The following SLC24A2 variants were observed in gnomAD, a reference collection of about 807,000 sequenced individuals.
SLC24A2 encodes the protein sodium/potassium/calcium exchanger 2.
Under a neutral mutation model 62.0 loss-of-function variants are expected in SLC24A2, and 36 were observed. That is an observed-to-expected ratio of 0.58 (90% CI 0.44 to 0.77). The LOEUF is 0.77. SLC24A2 is among the 30% of genes least tolerant of loss of function. The probability of loss-of-function intolerance (pLI) is 0.00; values close to 1 mark genes in which losing one functional copy is unlikely to be tolerated. For missense variants in SLC24A2, 846 were observed against 817.9 expected (o/e 1.03, Z -0.42); for synonymous variants, 358 against 294.0 (o/e 1.22, Z -2.23).
At chr9:19,619,755 A>C (rs1817864669) in intron 3 of SLC24A2, 63 bp from the exon 4 acceptor site, 1 of 1,245,762 alleles carries the variant, frequency 8.0e-7, no homozygotes, top group South Asian at 1.2e-5. Flanking sequence ...ATTATAGACA[A>C]GATCCTCACC....
At chr9:19,723,681 C>T (rs1440348019) in intron 2 of SLC24A2, among the ~76,000 whole-genome samples, 1 of 151,976 alleles carries the variant, frequency 6.6e-6, no homozygotes, top group East Asian at 1.9e-4. Flanking sequence ...CATTTACTGT[C>T]TTATTCATAG....
chr9:19,858,140 C>G, the SLC24A2 span, among the ~76,000 whole-genome samples: 3 of 152,138 alleles, frequency 2.0e-5, no homozygotes, highest in African/African-American at 7.2e-5. Context: ...CAGCATGTTA[C>G]TGGTACAAAA....
chr9:20,069,981 G>A, the SLC24A2 span, among the ~76,000 whole-genome samples: 1 of 152,050 alleles, frequency 6.6e-6, no homozygotes, highest in South Asian at 2.1e-4. Context: ...ACATTAACAT[G>A]ACCTTATTAT....
In SLC24A2 at chr9:19,757,892, T is replaced by C. The variant is rs184033650; in HGVS notation, c.930+28045A>G. Among the ~76,000 whole-genome samples the C allele has an allele frequency of 1.3e-3, 191 of 152,204 alleles. 1 individual carries two copies. The highest frequency in any genetic ancestry group is 4.4e-3 in the African/African-American group (181 of 41,538). ...CTCTTGAGAATAGATTAGTTCCCTC[T>C]AGAGTGGGTTGTTACAAAGCCAGAA... On this transcript the variant is annotated intron_variant, in intron 2 of 10. Coordinates refer to ENST00000341998, the MANE Select transcript of SLC24A2 (RefSeq NM_020344.4).
intron 8 of SLC24A2, among the ~76,000 whole-genome samples, chr9:19,541,629 T>A (rs1388808186): frequency 6.7e-6 from 1 of 148,196 alleles, no homozygotes; most frequent in Admixed American, 6.7e-5. Context: ...CAGGGACACT[T>A]AAGTCTGCAG....
intron 2 of SLC24A2, among the ~76,000 whole-genome samples, chr9:19,670,185 C>T (rs922901047): frequency 6.6e-6 from 1 of 152,164 alleles, no homozygotes; most frequent in African/African-American, 2.4e-5. Context: ...AGTCTTGAGA[C>T]CCCTTTTCAA....
At chr9:19,976,679 G>A in the SLC24A2 span, among the ~76,000 whole-genome samples, 1 of 152,150 alleles carries the variant, frequency 6.6e-6, no homozygotes. Flanking sequence ...AAGGATATAT[G>A]TACATTATAT....
At chr9:20,017,608 G>A in the SLC24A2 span, among the ~76,000 whole-genome samples, 3 of 152,148 alleles carry the variant, frequency 2.0e-5, no homozygotes, top group Non-Finnish European at 4.4e-5. Context: ...AAGGAAGCCA[G>A]TGCGAGCCCC....
chr9:19,794,044 T>TTGCAG, the SLC24A2 span, among the ~76,000 whole-genome samples: 1 of 152,218 alleles, frequency 6.6e-6, no homozygotes, highest in Non-Finnish European at 1.5e-5. Context: ...ATGAGAACCA[T>TTGCAG]AAAAGCAGAA....
At chr9:19,927,070 T>G in the SLC24A2 span, 1 of 152,264 alleles carries the variant, frequency 6.6e-6, no homozygotes, top group Non-Finnish European at 1.5e-5. Flanking sequence ...AGAGCTGCAT[T>G]TCCAGTCGGG....
rs140961140 is a variant in SLC24A2 at position 19,767,423 on chromosome 9, C to T, written c.930+18514G>A. Among the ~76,000 whole-genome samples, 109 of 152,318 alleles carry T rather than the reference C, an allele frequency of 7.2e-4. 1 individual carries two copies. Among genetic ancestry groups the T allele is most frequent in the African/African-American group, 2.5e-3 (104 of 41,560 alleles). On this transcript the variant is annotated intron_variant, in intron 2 of 10. Coordinates refer to ENST00000341998, the MANE Select transcript of SLC24A2 (RefSeq NM_020344.4). Reference sequence around the variant, plus strand: ...AATTTTGTGCTTGAAACCCAGGGCCCTTGTGGTATAGGCAACTGAGGGAAT... The same window carrying T: ...AATTTTGTGCTTGAAACCCAGGGCCTTTGTGGTATAGGCAACTGAGGGAAT...
chr9:19,643,982 AG>A (rs1196949295), intron 2 of SLC24A2, among the ~76,000 whole-genome samples: 1 of 152,274 alleles, frequency 6.6e-6, no homozygotes, highest in Non-Finnish European at 1.5e-5. Flanking sequence ...TATTTGTAAA[AG>A]TAAGTTGATG....
At chr9:19,762,102 T>G (rs941379460) in intron 2 of SLC24A2, among the ~76,000 whole-genome samples, 4 of 151,800 alleles carry the variant, frequency 2.6e-5, no homozygotes, top group Non-Finnish European at 4.4e-5. Context: ...CCACCAAGAG[T>G]GCAAAAGTGT....
chr9:20,024,246 T>C, the SLC24A2 span, among the ~76,000 whole-genome samples: 39 of 152,328 alleles, frequency 2.6e-4, no homozygotes, highest in East Asian at 7.1e-3. Context: ...TTGAAAATCT[T>C]GGGAATGTGC....
chr9:19,910,952 A>T, the SLC24A2 span, among the ~76,000 whole-genome samples: 5 of 149,052 alleles, frequency 3.4e-5, no homozygotes, highest in African/African-American at 9.9e-5. Context: ...GTTTTAGGGT[A>T]CATGTGCACA....
chr9:19,895,551 T>TTTC, the SLC24A2 span, among the ~76,000 whole-genome samples: 1 of 151,224 alleles, frequency 6.6e-6, no homozygotes, highest in African/African-American at 2.4e-5. Context: ...TCTTTCTTTT[T>TTTC]TTTTTTTTTT....
chr9:19,678,605 G>T (rs557167548), intron 2 of SLC24A2, among the ~76,000 whole-genome samples: 28 of 152,274 alleles, frequency 1.8e-4, no homozygotes, highest in African/African-American at 5.3e-4. Flanking sequence ...ATTTACCATA[G>T]CATGTTGAGA....
At chr9:19,704,425 G>C (rs1280984651) in intron 2 of SLC24A2, among the ~76,000 whole-genome samples, 1 of 152,134 alleles carries the variant, frequency 6.6e-6, no homozygotes, top group Admixed American at 6.6e-5. Flanking sequence ...GTGCAAGACA[G>C]ACAGATGGGA....
the SLC24A2 span, among the ~76,000 whole-genome samples, chr9:19,862,777 T>G: frequency 2.0e-4 from 30 of 152,130 alleles, no homozygotes; most frequent in African/African-American, 5.3e-4. Context: ...CTTAAAATAA[T>G]GGGCTATCAG....
Sources: allele counts gnomAD v4.1 joint callset (sites outside exome capture counted in the v4.1 genomes callset), GRCh38; gene constraint gnomAD v4.1.1; transcripts MANE v1.5; gene names NCBI Gene and HGNC (gene_info 2026-07-23, HGNC 2026-07-21).